TMEM178B: variants seen among roughly 807,000 people sequenced by gnomAD.
The protein encoded by TMEM178B is transmembrane protein 178B.
In TMEM178B, 5 loss-of-function variants were observed where a neutral mutation model predicts 31.0. That is an observed-to-expected ratio of 0.16 (90% CI 0.08 to 0.34). The LOEUF (loss-of-function observed/expected upper bound fraction) is 0.34. Ranked by LOEUF, TMEM178B falls within the 10% of genes least tolerant of loss-of-function variation. The probability of loss-of-function intolerance (pLI) is 1.00; values close to 1 mark genes in which losing one functional copy is unlikely to be tolerated. For missense variants in TMEM178B, 275 were observed against 400.3 expected (o/e 0.69, Z 2.67); for synonymous variants, 164 against 164.0 (o/e 1.00, Z 0.00).
chr7:141,450,070 C>T (rs1268912231), intron 3 of TMEM178B, among the ~76,000 whole-genome samples: 1 of 152,178 alleles, frequency 6.6e-6, no homozygotes, highest in East Asian at 1.9e-4. Flanking sequence ...GAGTGAGGGT[C>T]TATGCAAAGC....
intron 2 of TMEM178B, among the ~76,000 whole-genome samples, chr7:141,252,150 AG>A (rs561723895): frequency 3.2e-4 from 49 of 152,298 alleles, no homozygotes; most frequent in African/African-American, 1.2e-3. Context: ...CTGCCATTAG[AG>A]GGCAGAGTGT....
chr7:141,171,481 A>G lies in TMEM178B; in HGVS notation c.383-41110A>G, dbSNP rs79336091. Among the ~76,000 whole-genome samples, 219 of 152,300 alleles carry G rather than the reference A, an allele frequency of 1.4e-3. 6 individuals carry two copies. The East Asian group carries it at 0.038, about 27-fold the overall frequency. On this transcript the variant is annotated intron_variant, in intron 1 of 3. Transcript: ENST00000565468. The surrounding 1 kb of genome is among the most constrained non-coding windows in gnomAD (Gnocchi z 4.3). ...ATCACTTAGCTGGCAAGTGATGGAG[A>G]CAGAATTAGAACTCAGGTCTTTTGA... is the stretch of plus-strand genomic sequence containing the variant.
rs535940506 is a variant in TMEM178B, at chr7:141,273,154, A to G, written c.496+60450A>G. On this transcript the variant is annotated intron_variant, in intron 2 of 3. Coordinates refer to ENST00000565468, the MANE Select transcript of TMEM178B (RefSeq NM_001195278.2). ...AGACAAATACTGCATGATCTTATGTATATGTGGAATCTAAAAAAATCAAAC... is the reference window on the plus strand; with the variant it reads ...AGACAAATACTGCATGATCTTATGTGTATGTGGAATCTAAAAAAATCAAAC... 4.6e-5 allele frequency among the ~76,000 whole-genome samples: 7 copies of G among 152,074 alleles called. No homozygotes were observed. The South Asian group carries it at 1.0e-3, about 23-fold the overall frequency.
At chr7:141,282,492 T>C (rs1419631208) in intron 2 of TMEM178B, among the ~76,000 whole-genome samples, 2 of 152,234 alleles carry the variant, frequency 1.3e-5, no homozygotes, top group East Asian at 3.8e-4. Flanking sequence ...CTCATTATTA[T>C]CACACCATAT....
chr7:141,215,057 T>C (rs749639042), intron 2 of TMEM178B, among the ~76,000 whole-genome samples: 7 of 152,110 alleles, frequency 4.6e-5, no homozygotes, highest in Non-Finnish European at 8.8e-5. Flanking sequence ...GTACTAAGTG[T>C]AATTGGGAAT....
chr7:141,396,560 G>A (rs1800643593), intron 2 of TMEM178B, among the ~76,000 whole-genome samples: 2 of 152,168 alleles, frequency 1.3e-5, no homozygotes, highest in Non-Finnish European at 2.9e-5. Context: ...CGACAGCGCT[G>A]GGACTAGAAA....
Position 141,074,161 on chromosome 7 carries a change from C to G in TMEM178B, c.-150C>G, listed in dbSNP as rs1794554710. 1 of 1,195,260 alleles carries G rather than the reference C, an allele frequency of 8.4e-7. No homozygotes were observed. Among genetic ancestry groups the G allele is most frequent in the Non-Finnish European group, 1.1e-6 (1 of 900,980 alleles). 74.0% of individuals were successfully genotyped at this position (1,195,260 alleles called of 1,614,324 possible). A position where few individuals can be genotyped will look rare whatever the true frequency, so the allele number is the denominator to read the frequency against. On this transcript the variant is annotated 5_prime_UTR_variant, in exon 1 of 4. Transcript: ENST00000565468. The surrounding 1 kb of genome is among the most constrained non-coding windows in gnomAD (Gnocchi z 5.1). ...ATCCCCGCAGTCCCCGGGCCGTGCT[C>G]CGGTAGGCGGGGGCCGAGGGGGCGC...
At chr7:141,103,331 A>C (rs1795089013) in intron 1 of TMEM178B, among the ~76,000 whole-genome samples, 1 of 152,234 alleles carries the variant, frequency 6.6e-6, no homozygotes, top group African/African-American at 2.4e-5. Context: ...AGTATAAAGC[A>C]TTGAAACCAG....
chr7:141,089,131 T>A (rs568625144), intron 1 of TMEM178B, among the ~76,000 whole-genome samples: 20 of 152,290 alleles, frequency 1.3e-4, no homozygotes, highest in African/African-American at 4.8e-4. Context: ...GGTAAGCAAA[T>A]AAATACGACA....
intron 1 of TMEM178B, among the ~76,000 whole-genome samples, chr7:141,206,962 C>T (rs1334606877): frequency 6.6e-6 from 1 of 152,200 alleles, no homozygotes; most frequent in Non-Finnish European, 1.5e-5. Context: ...CAGCCCCTGG[C>T]AACTACCATT....
At chr7:141,236,397 G>C (rs1797527775) in intron 2 of TMEM178B, among the ~76,000 whole-genome samples, 1 of 152,240 alleles carries the variant, frequency 6.6e-6, no homozygotes, top group Admixed American at 6.5e-5. Context: ...CAACAATCCT[G>C]AACATTACTT....
At chr7:141,224,079 T>C (rs1797301124) in intron 2 of TMEM178B, among the ~76,000 whole-genome samples, 1 of 152,172 alleles carries the variant, frequency 6.6e-6, no homozygotes, top group South Asian at 2.1e-4. Context: ...CGAGATCTGA[T>C]GTTTTTATAA....
At chr7:141,101,035 A>G (rs1795048419) in intron 1 of TMEM178B, among the ~76,000 whole-genome samples, 2 of 151,684 alleles carry the variant, frequency 1.3e-5, no homozygotes, top group Non-Finnish European at 2.9e-5. Flanking sequence ...CTATTACACC[A>G]CTCCCTGGAT....
At chr7:141,447,498 C>A (rs1325425523) in intron 3 of TMEM178B, among the ~76,000 whole-genome samples, 4 of 152,100 alleles carry the variant, frequency 2.6e-5, no homozygotes, top group Non-Finnish European at 4.4e-5. Context: ...CATTAAGGGC[C>A]TCAGAGGCGT....
intron 2 of TMEM178B, among the ~76,000 whole-genome samples, chr7:141,319,898 G>A (rs1388437816): frequency 6.6e-6 from 1 of 152,160 alleles, no homozygotes; most frequent in Non-Finnish European, 1.5e-5. Context: ...ATCTGTAAAA[G>A]GGGATGTACT....
At chr7:141,219,049 C>A (rs1034624227) in intron 2 of TMEM178B, among the ~76,000 whole-genome samples, 7 of 152,220 alleles carry the variant, frequency 4.6e-5, no homozygotes, top group African/African-American at 1.7e-4. Flanking sequence ...ATGAAACTAA[C>A]AGTAATAACA....
chr7:141,270,054 G>C (rs1563137046), intron 2 of TMEM178B, among the ~76,000 whole-genome samples: 1 of 152,056 alleles, frequency 6.6e-6, no homozygotes, highest in South Asian at 2.1e-4. Context: ...GACAGAGTGA[G>C]ACTCAGTCTC....
the TMEM178B span, among the ~76,000 whole-genome samples, chr7:141,494,796 A>G: frequency 2.0e-5 from 3 of 152,308 alleles, no homozygotes; most frequent in Admixed American, 6.5e-5. Flanking sequence ...TGATAGCATG[A>G]GTATATGTTT....
chr7:141,114,607 G>A (rs73167434), intron 1 of TMEM178B, among the ~76,000 whole-genome samples: 1,818 of 152,340 alleles, frequency 0.012, 13 homozygotes, highest in Non-Finnish European at 0.02. Context: ...TGATTCTGAG[G>A]CCTATTCTAT....
Sources: gnomAD v4.1 joint callset for allele counts (sites outside exome capture counted in the v4.1 genomes callset) on GRCh38, gnomAD v4.1.1 for gene constraint, Gnocchi (gnomAD v3.1) non-coding constraint, MANE v1.5 for transcripts, NCBI Gene and HGNC (gene_info 2026-07-23, HGNC 2026-07-21) for gene names.